The following TMIGD3 variants were observed in gnomAD, a reference collection of about 807,000 sequenced individuals.
The protein encoded by TMIGD3 is AD026 protein (AD026).
TMIGD3 carries 21 observed loss-of-function variants against 28.1 expected under a neutral mutation model. The observed-to-expected ratio is 0.75, with a 90% CI of 0.53 to 1.08. The LOEUF is 1.08. Ranked by LOEUF, TMIGD3 falls within the 50% of genes least tolerant of loss-of-function variation. TMIGD3 has a pLI of 0.00. For synonymous variants in TMIGD3, 151 were observed against 162.1 expected (o/e 0.93, Z 0.52); for missense variants, 416 against 435.6 (o/e 0.96, Z 0.40).
chr1:111,489,395 C>T (rs143888842), intron 2 of TMIGD3: 115 of 268,310 alleles, frequency 4.3e-4, no homozygotes, highest in African/African-American at 2.4e-3. Flanking sequence ...AGCCAGAAGG[C>T]AATCATCTGC....
intron 1 of TMIGD3, among the ~76,000 whole-genome samples, chr1:111,496,314 C>T (rs1654886546): frequency 6.6e-6 from 1 of 152,126 alleles, no homozygotes; most frequent in Non-Finnish European, 1.5e-5. Context: ...AATAGGCTGC[C>T]CCACTTCTAG....
chr1:111,510,385 G>A (rs1246299380), intron 1 of TMIGD3, among the ~76,000 whole-genome samples: 5 of 152,014 alleles, frequency 3.3e-5, no homozygotes, highest in Admixed American at 6.6e-5. Flanking sequence ...CATCATGATC[G>A]AAAATACTAT....
chr1:111,549,116 A>AATGGAT (rs1380342553), intron 1 of TMIGD3, among the ~76,000 whole-genome samples: 1 of 152,146 alleles, frequency 6.6e-6, no homozygotes, highest in East Asian at 1.9e-4. Context: ...CCATATTCAC[A>AATGGAT]ATGGATATTG....
intron 1 of TMIGD3, among the ~76,000 whole-genome samples, chr1:111,561,359 A>C (rs1003354768): frequency 3.9e-4 from 59 of 152,162 alleles, no homozygotes; most frequent in African/African-American, 1.4e-3. Flanking sequence ...CCTGGGCTCA[A>C]GCGATCCGCT....
At position 111,485,859 on chromosome 1, in the gene TMIGD3, G is replaced by C. The variant is rs780642005; in HGVS notation, c.873-19C>G. ...GGACGTCCTAGAAGGAACCACAGCA[G>C]ATTTCATGTTGCTTGGAAGAAACTG... On this transcript the variant is annotated intron_variant, in intron 4 of 5. Coordinates refer to ENST00000369716, the MANE Select transcript of TMIGD3 (RefSeq NM_020683.7). The C allele has an allele frequency of 6.3e-7, 1 of 1,580,506 alleles. No homozygotes were observed. Among genetic ancestry groups the C allele is most frequent in the South Asian group, 1.1e-5 (1 of 87,858 alleles).
At chr1:111,492,644 T>A (rs951720210) in intron 1 of TMIGD3, among the ~76,000 whole-genome samples, 1 of 151,870 alleles carries the variant, frequency 6.6e-6, no homozygotes, top group Non-Finnish European at 1.5e-5. Context: ...TGAAACCCCA[T>A]CTCTACTATA....
At position 111,486,592 on chromosome 1, in the gene TMIGD3, C is replaced by T. The variant is rs149995903; in HGVS notation, c.866G>A (p.Arg289His). The T allele has an allele frequency of 7.4e-5, 120 of 1,612,876 alleles. 1 individual carries two copies. In the African/African-American group the frequency reaches 1.3e-3, roughly 18 times the overall value. ...KAPKVVRKADRSRTSILIICI... is the reference protein window; with the variant it reads ...KAPKVVRKADHSRTSILIICI... ...CGCCAAGACTATGACTCACCTGGAG[C>T]GGTCAGCCTTGCGGACAACTTTGGG... Residue 289 changes from arginine (R) to histidine (H), a missense_variant, in exon 4 of 6, where the codon CGC becomes CAC. Arg to His is a conservative substitution (Grantham distance 29). Transcript: ENST00000369716.
intron 1 of TMIGD3, among the ~76,000 whole-genome samples, chr1:111,561,187 G>A (rs1170023253): frequency 3.9e-5 from 6 of 152,192 alleles, no homozygotes; most frequent in Admixed American, 3.9e-4. Flanking sequence ...GCAGTGGCAC[G>A]ATTGTGGCTC....
At chr1:111,526,836 C>T (rs1234981823) in intron 1 of TMIGD3, among the ~76,000 whole-genome samples, 1 of 152,262 alleles carries the variant, frequency 6.6e-6, no homozygotes, top group East Asian at 1.9e-4. Context: ...CTTTTCATCC[C>T]TCCCTGCCCA....
At chr1:111,550,697 T>C (rs570652014) in intron 1 of TMIGD3, among the ~76,000 whole-genome samples, 1 of 152,366 alleles carries the variant, frequency 6.6e-6, no homozygotes, top group South Asian at 2.1e-4. Flanking sequence ...GGTCTCACTA[T>C]GTTGCCCAGC....
chr1:111,559,006 C>A lies in TMIGD3; in HGVS notation c.107+4840G>T, dbSNP rs534729282. Among the ~76,000 whole-genome samples the A allele has an allele frequency of 5.0e-4, 76 of 152,140 alleles. 1 individual carries two copies. The South Asian group carries it at 9.5e-3, about 19-fold the overall frequency. ...AACATATTAAAAATAATCAGTTTCC[C>A]AGAGACCAAGTTCTCTGAACATAAT... is the stretch of plus-strand genomic sequence containing the variant. On this transcript the variant is annotated intron_variant, in intron 1 of 5. Transcript: ENST00000369717.
In TMIGD3 at chr1:111,488,556, AG is replaced by A. The variant is rs372938137; in HGVS notation, c.805+120del. ...TGCCGGAGGAAGAGAGAGGCCAGGC[AG>A]GCCCAAAGTACCCAGTGGGAGTCTG... On this transcript the variant is annotated intron_variant, in intron 3 of 5. Transcript: ENST00000369716. 651 of 832,008 alleles carry A rather than the reference AG, an allele frequency of 7.8e-4. 3 individuals are homozygous for A. In the East Asian group the frequency reaches 0.014, roughly 18 times the overall value. 51.5% of individuals were successfully genotyped at this position (832,008 alleles called of 1,614,324 possible).
intron 4 of TMIGD3, 42 bp downstream of exon 4, chr1:111,486,544 C>A: frequency 6.7e-7 from 1 of 1,499,438 alleles, no homozygotes; most frequent in Non-Finnish European, 9.3e-7. Context: ...TACCTCCACC[C>A]CACCGCCCCA....
chr1:111,490,876 C>T (rs975372245), intron 1 of TMIGD3, 114 bp from the exon 2 acceptor site: 20 of 725,502 alleles, frequency 2.8e-5, no homozygotes, highest in Non-Finnish European at 4.0e-5. Context: ...TGTATAGATA[C>T]ACTGCACAAT....
At position 111,503,064 on chromosome 1, in the gene TMIGD3, G is replaced by C; in HGVS notation, c.291C>G (p.Ser97=). The C allele has an allele frequency of 6.2e-7, 1 of 1,614,222 alleles. No homozygotes were observed. The highest frequency in any genetic ancestry group is 8.5e-7 in the Non-Finnish European group (1 of 1,180,052). ...TCLLLIFTHA[S]IMSLLAIAVD... ...CAGCGATGGCCAGCAAGGACATGAT[G>C]GAGGCGTGGGTAAAGATAAGCAGTA... The change falls in exon 1 of 6, where the codon TCC becomes TCG. Residue 97 remains serine (S), a synonymous_variant. Transcript: ENST00000369716.
intron 1 of TMIGD3, among the ~76,000 whole-genome samples, chr1:111,560,303 G>A (rs546912514): frequency 4.1e-4 from 62 of 151,932 alleles, no homozygotes; most frequent in African/African-American, 1.3e-3. Flanking sequence ...AATCTAGAAT[G>A]GAGAGTGAGG....
intron 1 of TMIGD3, among the ~76,000 whole-genome samples, chr1:111,510,711 G>C (rs937592570): frequency 6.6e-6 from 1 of 152,078 alleles, no homozygotes; most frequent in Admixed American, 6.5e-5. Flanking sequence ...CAGTGTGCAA[G>C]GTATAAGAAA....
chr1:111,522,660 G>T (rs1411225000), intron 1 of TMIGD3, among the ~76,000 whole-genome samples: 1 of 151,958 alleles, frequency 6.6e-6, no homozygotes, highest in East Asian at 1.9e-4. Flanking sequence ...GGGATTACAG[G>T]CGCGTGCCAC....
At chr1:111,485,431 C>G (rs535086456) in intron 5 of TMIGD3, 1 of 290,170 alleles carries the variant, frequency 3.4e-6, no homozygotes, top group South Asian at 8.8e-5. Context: ...GACAGGAGCC[C>G]GAAGTTTGTG....
Sources: allele counts gnomAD v4.1 joint callset (sites outside exome capture counted in the v4.1 genomes callset), GRCh38; gene constraint gnomAD v4.1.1; transcripts MANE v1.5; gene names NCBI Gene and HGNC (gene_info 2026-07-23, HGNC 2026-07-21).